Variants in ITPK1 observed in about 807,000 individuals in gnomAD.
ITPK1 encodes the protein inositol-tetrakisphosphate 1-kinase, also known as inositol 1,3,4-trisphosphate 5/6-kinase.
ITPK1 carries 21 observed loss-of-function variants against 45.3 expected under a neutral mutation model. The observed-to-expected ratio is 0.46, with a 90% confidence interval of 0.33 to 0.67. The LOEUF is 0.67. Ranked by LOEUF, ITPK1 falls within the 30% of genes least tolerant of loss-of-function variation. The pLI, the probability that ITPK1 is intolerant of heterozygous loss-of-function variation, is 0.02. For synonymous variants in ITPK1, 258 were observed against 253.6 expected (o/e 1.02, Z -0.16); for missense variants, 474 against 573.5 (o/e 0.83, Z 1.77).
intron 2 of ITPK1, among the ~76,000 whole-genome samples, chr14:93,103,151 G>A (rs182192994): frequency 1.3e-4 from 19 of 150,258 alleles, no homozygotes; most frequent in Admixed American, 3.3e-4. Flanking sequence ...AAATAGGGCC[G>A]GGCATGGTGG....
rs528074307 is a variant in ITPK1 at position 93,012,063 on chromosome 14, C to T, written c.246+4613G>A. The stretch of plus-strand genomic sequence containing the variant: ...CCTCCTCCCTCCCCGCTCCAAGCAG[C>T]CCAGCAGAGCCACGTCCTCCCTCCG... On this transcript the variant is annotated intron_variant, in intron 4 of 10. Coordinates refer to ENST00000267615, the MANE Select transcript of ITPK1 (RefSeq NM_014216.6). The surrounding 1 kb of genome is among the most constrained non-coding windows in gnomAD (Gnocchi z 4.9). Among the ~76,000 whole-genome samples, 7 of 152,278 alleles carry T rather than the reference C, an allele frequency of 4.6e-5. No individual in the cohort carries two copies. The highest frequency in any genetic ancestry group is 1.4e-4 in the African/African-American group (6 of 41,566).
Position 93,075,311 on chromosome 14 carries a change from A to G in ITPK1, c.120+1284T>C, listed in dbSNP as rs1056921427. The stretch of plus-strand genomic sequence containing the variant: ...CACTGCATTCCAGCCTCCACTCCAG[A>G]GCGAGACTCCTTCTCAAAAAAAAAA... On this transcript the variant is annotated intron_variant, in intron 3 of 10. Transcript: ENST00000267615. Among the ~76,000 whole-genome samples, 6 of 118,740 alleles carry G rather than the reference A, an allele frequency of 5.1e-5. No homozygotes were observed. In the East Asian group the frequency reaches 8.6e-4, roughly 17 times the overall value. 77.9% of individuals were successfully genotyped at this position (118,740 alleles called of 152,430 possible). A position where few individuals can be genotyped will look rare whatever the true frequency, so the allele number is the denominator to read the frequency against.
intron 2 of ITPK1, among the ~76,000 whole-genome samples, chr14:93,097,272 C>A (rs1892116730): frequency 6.6e-6 from 1 of 152,216 alleles, no homozygotes; most frequent in Non-Finnish European, 1.5e-5. Context: ...TTTCTTACCC[C>A]TTGAATGTTA....
chr14:92,976,307 T>A (rs1885936880), intron 5 of ITPK1, among the ~76,000 whole-genome samples: 1 of 152,216 alleles, frequency 6.6e-6, no homozygotes, highest in Admixed American at 6.5e-5. Context: ...GAATGTGAAC[T>A]GGCCCTAGAG....
chr14:93,086,163 T>TC (rs1891644503), intron 2 of ITPK1, among the ~76,000 whole-genome samples: 2 of 152,116 alleles, frequency 1.3e-5, no homozygotes, highest in East Asian at 3.8e-4. Context: ...TTGGACTCAC[T>TC]GGGGGAGGGA....
In ITPK1 at chr14:93,091,700, C is replaced by T. The variant is rs144445161; in HGVS notation, c.96-15081G>A. Among the ~76,000 whole-genome samples, 1,078 of 152,276 alleles carry T rather than the reference C, an allele frequency of 7.1e-3. 12 individuals are homozygous for T. The highest frequency in any genetic ancestry group is 0.025 in the African/African-American group (1,021 of 41,556). ...CATAGTGGCATCCAGTCAGTGTCAC[C>T]AGCTCCTCCCCGCCTCCCATTTAAC... is the stretch of plus-strand genomic sequence containing the variant. On this transcript the variant is annotated intron_variant, in intron 2 of 10. Coordinates refer to ENST00000267615, the MANE Select transcript of ITPK1 (RefSeq NM_014216.6).
intron 3 of ITPK1, among the ~76,000 whole-genome samples, chr14:93,029,653 C>G (rs1888934379): frequency 6.6e-6 from 1 of 152,134 alleles, no homozygotes; most frequent in African/African-American, 2.4e-5. Context: ...TGCCACAGCT[C>G]TGACAACAAG....
At chr14:92,968,263 G>A (rs1450550117) in intron 5 of ITPK1, among the ~76,000 whole-genome samples, 2 of 152,088 alleles carry the variant, frequency 1.3e-5, no homozygotes, top group African/African-American at 4.8e-5. Context: ...CCCGGGAGGC[G>A]GAGGTTGCAG....
chr14:93,004,416 C>G (rs1281724974), intron 4 of ITPK1, among the ~76,000 whole-genome samples: 1 of 152,198 alleles, frequency 6.6e-6, no homozygotes, highest in Admixed American at 6.5e-5. Flanking sequence ...ACACTTGGGT[C>G]TTAAGCAACC....
chr14:92,961,664 G>C (rs901607034), intron 7 of ITPK1, among the ~76,000 whole-genome samples: 14 of 152,206 alleles, frequency 9.2e-5, no homozygotes, highest in African/African-American at 3.4e-4. Flanking sequence ...TGGCCCAAAG[G>C]ATAGCCAGCC....
In ITPK1 at chr14:92,941,536, G is replaced by A. The variant is rs1374192984; in HGVS notation, c.*25C>T. 108 of 1,513,334 alleles carry A rather than the reference G, an allele frequency of 7.1e-5. No individual in the cohort carries two copies. Among genetic ancestry groups the A allele is most frequent in the Non-Finnish European group, 9.5e-5 (108 of 1,137,764 alleles). 93.7% of individuals were successfully genotyped at this position (1,513,334 alleles called of 1,614,324 possible). A position where few individuals can be genotyped will look rare whatever the true frequency, so the allele number is the denominator to read the frequency against. Reference sequence around the variant, plus strand: ...GCGGGTGTGCTCTGCGCCCTGCGCTGCCCCTCTGGGTCCCGGCTCCGTGGC... The same window carrying A: ...GCGGGTGTGCTCTGCGCCCTGCGCTACCCCTCTGGGTCCCGGCTCCGTGGC... On this transcript the variant is annotated 3_prime_UTR_variant, in exon 11 of 11. Coordinates refer to ENST00000267615, the MANE Select transcript of ITPK1 (RefSeq NM_014216.6).
chr14:93,000,715 G>A (rs1048010601), intron 4 of ITPK1, among the ~76,000 whole-genome samples: 5 of 152,192 alleles, frequency 3.3e-5, no homozygotes, highest in Non-Finnish European at 7.3e-5. Context: ...GGTGGCTTGC[G>A]CCTGTAATCC....
chr14:92,951,623 T>C (rs1291867780), intron 9 of ITPK1, among the ~76,000 whole-genome samples: 2 of 152,190 alleles, frequency 1.3e-5, no homozygotes, highest in Admixed American at 1.3e-4. Flanking sequence ...AGAGCAGTTC[T>C]TCCAATTCCT....
chr14:93,104,289 T>A (rs1892437566), intron 2 of ITPK1, among the ~76,000 whole-genome samples: 2 of 152,108 alleles, frequency 1.3e-5, no homozygotes, highest in Non-Finnish European at 2.9e-5. Context: ...AGTTTGAGAC[T>A]AGCCTGGCCA....
At chr14:93,110,594 A>G (rs935893036) in intron 2 of ITPK1, among the ~76,000 whole-genome samples, 1 of 152,194 alleles carries the variant, frequency 6.6e-6, no homozygotes, top group Non-Finnish European at 1.5e-5. Flanking sequence ...TTTACTGTTG[A>G]CACCAAACTC....
At chr14:93,025,839 G>C (rs1888707790) in intron 3 of ITPK1, among the ~76,000 whole-genome samples, 1 of 151,860 alleles carries the variant, frequency 6.6e-6, no homozygotes, top group Non-Finnish European at 1.5e-5. Context: ...ACAGGACTTG[G>C]AGCTGGGTGT....
rs1286670765 is a variant in ITPK1, at chr14:93,014,874, C to T, written c.246+1802G>A. Among the ~76,000 whole-genome samples the T allele has an allele frequency of 6.6e-6, 1 of 152,210 alleles. No individual in the cohort carries two copies. Among genetic ancestry groups the T allele is most frequent in the Non-Finnish European group, 1.5e-5 (1 of 68,042 alleles). ...TGCTCTGCAGTGCTTTCTGAGGTAA[C>T]GGTAATCAGGCATCTGGAAGGCCAT... On this transcript the variant is annotated intron_variant, in intron 4 of 10. Coordinates refer to ENST00000267615, the MANE Select transcript of ITPK1 (RefSeq NM_014216.6). The surrounding 1 kb of genome is among the most constrained non-coding windows in gnomAD (Gnocchi z 4.4).
At chr14:93,089,684 G>A (rs930165307) in intron 2 of ITPK1, among the ~76,000 whole-genome samples, 2 of 152,192 alleles carry the variant, frequency 1.3e-5, no homozygotes, top group African/African-American at 4.8e-5. Flanking sequence ...AGGTGAGAAT[G>A]AGCCTGGGGC....
chr14:92,940,961 C>A lies in ITPK1; in HGVS notation c.*600G>T, dbSNP rs538054519. 1.6e-6 allele frequency: 2 copies of A among 1,286,096 alleles called. No individual in the cohort carries two copies. The highest frequency in any genetic ancestry group is 1.5e-5 in the African/African-American group (1 of 65,748). 79.7% of individuals were successfully genotyped at this position (1,286,096 alleles called of 1,614,324 possible). A position where few individuals can be genotyped will look rare whatever the true frequency, so the allele number is the denominator to read the frequency against. On this transcript the variant is annotated 3_prime_UTR_variant, in exon 11 of 11. Coordinates refer to ENST00000267615, the MANE Select transcript of ITPK1 (RefSeq NM_014216.6). ...TGAGGGAGCACAGCCCAGACCCCAGCGCGGAACTCCCCTGAGGGGTCTGTG... is the reference window on the plus strand; with the variant it reads ...TGAGGGAGCACAGCCCAGACCCCAGAGCGGAACTCCCCTGAGGGGTCTGTG...
Sources: gnomAD v4.1 joint callset for allele counts (sites outside exome capture counted in the v4.1 genomes callset) on GRCh38, gnomAD v4.1.1 for gene constraint, Gnocchi (gnomAD v3.1) non-coding constraint, MANE v1.5 for transcripts, NCBI Gene and HGNC (gene_info 2026-07-23, HGNC 2026-07-21) for gene names.